NFIB: variants seen among roughly 807,000 people sequenced by gnomAD.
NFIB encodes nuclear factor I B.
Under a neutral mutation model 61.5 loss-of-function variants are expected in NFIB, and 11 were observed. The observed-to-expected ratio is 0.18, with a 90% CI of 0.11 to 0.30. The LOEUF (loss-of-function observed/expected upper bound fraction) is 0.30, where lower values mean the gene tolerates loss of function less well. Among genes scored for constraint, NFIB ranks in the 10% least tolerant of loss-of-function variants. The pLI, the probability that NFIB is intolerant of heterozygous loss-of-function variation, is 1.00. For synonymous variants in NFIB, 260 were observed against 216.5 expected (o/e 1.20, Z -1.76); for missense variants, 471 against 608.9 (o/e 0.77, Z 2.38).
At chr9:14,368,311 G>T (rs1219119217) in intron 1 of NFIB, among the ~76,000 whole-genome samples, 2 of 152,292 alleles carry the variant, frequency 1.3e-5, no homozygotes, top group African/African-American at 4.8e-5. Flanking sequence ...ATATGGTAAA[G>T]ATTTCCACCC....
At chr9:14,283,533 T>C (rs1231388634) in intron 2 of NFIB, among the ~76,000 whole-genome samples, 2 of 152,218 alleles carry the variant, frequency 1.3e-5, no homozygotes, top group Admixed American at 6.5e-5. Flanking sequence ...GGCTCTGACA[T>C]AATGTCCTTG....
intron 1 of NFIB, among the ~76,000 whole-genome samples, chr9:14,381,572 G>C (rs1183145899): frequency 1.3e-5 from 2 of 152,210 alleles, no homozygotes; most frequent in African/African-American, 2.4e-5. Flanking sequence ...TTCTAAGGAA[G>C]TCATAGACAT....
intron 2 of NFIB, among the ~76,000 whole-genome samples, chr9:14,292,445 T>C (rs920027954): frequency 2.6e-5 from 4 of 152,222 alleles, no homozygotes; most frequent in Admixed American, 2.0e-4. Context: ...ATAAATAAAA[T>C]GTATTAAAAC....
At chr9:14,488,873 G>C in the NFIB span, among the ~76,000 whole-genome samples, 1 of 152,196 alleles carries the variant, frequency 6.6e-6, no homozygotes, top group Non-Finnish European at 1.5e-5. Flanking sequence ...GTATCTCTCA[G>C]ATTGGATATG....
intron 2 of NFIB, among the ~76,000 whole-genome samples, chr9:14,194,759 A>G (rs1360539547): frequency 6.6e-6 from 1 of 152,132 alleles, no homozygotes; most frequent in Non-Finnish European, 1.5e-5. Flanking sequence ...AACAGGCACT[A>G]TCTTAGAAAT....
intron 2 of NFIB, among the ~76,000 whole-genome samples, chr9:14,203,886 C>T (rs1313945180): frequency 3.3e-5 from 5 of 151,924 alleles, no homozygotes; most frequent in African/African-American, 7.3e-5. Context: ...ACATAATGCC[C>T]GCAATATTTT....
chr9:14,328,033 A>G (rs1339558994), intron 1 of NFIB, among the ~76,000 whole-genome samples: 1 of 152,252 alleles, frequency 6.6e-6, no homozygotes, highest in Non-Finnish European at 1.5e-5. Context: ...TTGTTCGAGG[A>G]TGATTGACAA....
At chr9:14,171,647 T>C (rs1259813613) in intron 3 of NFIB, among the ~76,000 whole-genome samples, 1 of 152,136 alleles carries the variant, frequency 6.6e-6, no homozygotes, top group East Asian at 1.9e-4. Context: ...ACCAAGGGTA[T>C]CTAGATAGGA....
At chr9:14,333,595 G>A (rs2060847713) in intron 1 of NFIB, among the ~76,000 whole-genome samples, 1 of 152,148 alleles carries the variant, frequency 6.6e-6, no homozygotes, top group Non-Finnish European at 1.5e-5. Flanking sequence ...AGTCACTTCA[G>A]CAGCCTTGGC....
intron 8 of NFIB, 146 bp from the exon 9 acceptor site, chr9:14,116,492 G>T: frequency 1.4e-6 from 1 of 740,520 alleles, no homozygotes; most frequent in Non-Finnish European, 1.9e-6. Flanking sequence ...AGTCGGAGAG[G>T]CCAGTCAATG....
intron 1 of NFIB, among the ~76,000 whole-genome samples, chr9:14,322,599 G>C (rs898591897): frequency 2.6e-5 from 4 of 151,476 alleles, no homozygotes; most frequent in African/African-American, 4.9e-5. Context: ...ACCCTACCAC[G>C]GCCGGCCTGG....
chr9:14,248,486 G>A (rs1307964501), intron 2 of NFIB, among the ~76,000 whole-genome samples: 1 of 152,012 alleles, frequency 6.6e-6, no homozygotes, highest in Non-Finnish European at 1.5e-5. Flanking sequence ...GTCCAGGCTG[G>A]TCTCAAACTC....
intron 2 of NFIB, among the ~76,000 whole-genome samples, chr9:14,183,364 T>G (rs1484437150): frequency 6.6e-6 from 1 of 152,036 alleles, no homozygotes; most frequent in East Asian, 1.9e-4. Context: ...CTAAGAGTTG[T>G]GAGCTGCCCA....
the NFIB span, among the ~76,000 whole-genome samples, chr9:14,468,214 T>G: frequency 6.6e-6 from 1 of 152,218 alleles, no homozygotes; most frequent in Non-Finnish European, 1.5e-5. Flanking sequence ...AAGAGAGTAT[T>G]TAGCAAGACT....
the NFIB span, among the ~76,000 whole-genome samples, chr9:14,429,706 A>G: frequency 1.3e-5 from 2 of 152,212 alleles, no homozygotes; most frequent in Non-Finnish European, 2.9e-5. Flanking sequence ...CTCTGGGTCC[A>G]CTGCTGCTCC....
the NFIB span, among the ~76,000 whole-genome samples, chr9:14,411,701 T>C: frequency 6.6e-6 from 1 of 152,172 alleles, no homozygotes; most frequent in African/African-American, 2.4e-5. Context: ...TGGATGAGGA[T>C]GACCGTCTCC....
chr9:14,471,038 A>T, the NFIB span, among the ~76,000 whole-genome samples: 1 of 152,256 alleles, frequency 6.6e-6, no homozygotes, highest in African/African-American at 2.4e-5. Context: ...TAATGATCTG[A>T]AAAATTCCAT....
chr9:14,188,652 C>T (rs967238844), intron 2 of NFIB, among the ~76,000 whole-genome samples: 6 of 152,132 alleles, frequency 3.9e-5, no homozygotes, highest in Non-Finnish European at 7.4e-5. Flanking sequence ...CACGCCACTG[C>T]GTACTTTGAG....
chr9:14,225,420 G>T, intron 2 of NFIB, among the ~76,000 whole-genome samples: 1 of 124,724 alleles, frequency 8.0e-6, no homozygotes. Flanking sequence ...TCCCGCCACT[G>T]CACTCCAGCC....
Sources: allele counts gnomAD v4.1 joint callset (sites outside exome capture counted in the v4.1 genomes callset), GRCh38; gene constraint gnomAD v4.1.1; transcripts MANE v1.5; gene names NCBI Gene and HGNC (gene_info 2026-07-23, HGNC 2026-07-21).